Variants in NPAS3 observed in about 807,000 individuals in gnomAD.
The protein encoded by NPAS3 is neuronal PAS domain protein 3.
A neutral mutation model predicts 73.1 loss-of-function variants in NPAS3; 14 were observed. The observed-to-expected ratio is 0.19, with a 90% CI of 0.13 to 0.30. The LOEUF is 0.30. Ranked by LOEUF, NPAS3 falls within the 10% of genes least tolerant of loss-of-function variation. The pLI is 1.00. For synonymous variants in NPAS3, 620 were observed against 541.5 expected, an observed-to-expected ratio of 1.14 and a Z score of -2.01; for missense variants, 1,096 against 1,250.0, an observed-to-expected ratio of 0.88 and a Z score of 1.86.
intron 2 of NPAS3, among the ~76,000 whole-genome samples, chr14:33,192,944 G>C (rs1361167561): frequency 1.3e-5 from 2 of 152,094 alleles, no homozygotes; most frequent in Admixed American, 1.3e-4. Flanking sequence ...TATGAGAGAT[G>C]GGAACAAATG....
chr14:33,331,118 T>G (rs1216140941), intron 3 of NPAS3, among the ~76,000 whole-genome samples: 1 of 152,190 alleles, frequency 6.6e-6, no homozygotes, highest in African/African-American at 2.4e-5. Context: ...ATCGTAACTC[T>G]TGAAATTCAA....
At chr14:32,986,817 CTTTA>C (rs1306090670) in intron 1 of NPAS3, among the ~76,000 whole-genome samples, 3 of 152,218 alleles carry the variant, frequency 2.0e-5, no homozygotes, top group Middle Eastern at 3.4e-3. Context: ...TATGATTTTA[CTTTA>C]TTTTTTTTAA....
chr14:33,645,674 G>C (rs1472831920), intron 5 of NPAS3, among the ~76,000 whole-genome samples: 2 of 152,162 alleles, frequency 1.3e-5, no homozygotes, highest in Non-Finnish European at 2.9e-5. Context: ...TGGCAAAATG[G>C]AGCTGCCACT....
chr14:33,544,825 A>ATATATATATATTATATATATATATAAT, intron 4 of NPAS3, among the ~76,000 whole-genome samples: 29 of 112,148 alleles, frequency 2.6e-4, no homozygotes, highest in African/African-American at 5.3e-4. Context: ...TATATAATAT[A>ATATATATATATTATATATATATATAAT]TATGTGTATA....
chr14:33,657,435 A>G (rs927656252), intron 5 of NPAS3, among the ~76,000 whole-genome samples: 16 of 152,230 alleles, frequency 1.1e-4, no homozygotes, highest in African/African-American at 3.4e-4. Flanking sequence ...AATTCTAGAA[A>G]AGACTTTAAT....
At chr14:33,372,372 G>A (rs929433200) in intron 4 of NPAS3, among the ~76,000 whole-genome samples, 23 of 152,074 alleles carry the variant, frequency 1.5e-4, no homozygotes, top group Non-Finnish European at 2.1e-4. Context: ...GTATATTCTC[G>A]TAGGGAAAAG....
intron 3 of NPAS3, among the ~76,000 whole-genome samples, chr14:33,306,918 G>A (rs893469427): frequency 2.6e-5 from 4 of 152,118 alleles, no homozygotes; most frequent in African/African-American, 9.7e-5. Flanking sequence ...GTGTCTATTC[G>A]GGTTCCAGAG....
chr14:33,179,692 GAATACC>G (rs1193119648), intron 2 of NPAS3, among the ~76,000 whole-genome samples: 1 of 152,074 alleles, frequency 6.6e-6, no homozygotes, highest in Non-Finnish European at 1.5e-5. Flanking sequence ...TACAACTAAA[GAATACC>G]ATACGATGGG....
At chr14:33,410,009 T>A (rs926756434) in intron 4 of NPAS3, among the ~76,000 whole-genome samples, 2 of 152,210 alleles carry the variant, frequency 1.3e-5, no homozygotes, top group Admixed American at 6.5e-5. Context: ...GCCCTCTTTG[T>A]AGCTCTAACA....
At chr14:33,002,465 A>T (rs2038844186) in intron 1 of NPAS3, among the ~76,000 whole-genome samples, 1 of 152,190 alleles carries the variant, frequency 6.6e-6, no homozygotes, top group Non-Finnish European at 1.5e-5. Flanking sequence ...TGTTTGTAGG[A>T]TCCTGTCAAG....
intron 3 of NPAS3, among the ~76,000 whole-genome samples, chr14:33,345,549 T>A (rs1362066116): frequency 1.3e-5 from 2 of 152,234 alleles, no homozygotes; most frequent in African/African-American, 4.8e-5. Flanking sequence ...GATCCTTATA[T>A]GTATCTTTTA....
chr14:33,586,993 T>C (rs952314678), intron 5 of NPAS3, among the ~76,000 whole-genome samples: 1 of 152,160 alleles, frequency 6.6e-6, no homozygotes, highest in Non-Finnish European at 1.5e-5. Flanking sequence ...GAGGACCGGC[T>C]CCCCAAACAA....
chr14:33,675,172 C>T (rs554733410), intron 5 of NPAS3, among the ~76,000 whole-genome samples: 6 of 152,216 alleles, frequency 3.9e-5, no homozygotes, highest in African/African-American at 1.4e-4. Flanking sequence ...CATTAGTGAC[C>T]TGGGAAAGAG....
intron 6 of NPAS3, among the ~76,000 whole-genome samples, chr14:33,677,560 C>T (rs1055739009): frequency 2.0e-5 from 3 of 151,690 alleles, no homozygotes; most frequent in South Asian, 2.1e-4. Context: ...CAACATACTT[C>T]GAAGACAATA....
upstream of NPAS3, among the ~76,000 whole-genome samples, chr14:32,935,294 A>G: frequency 6.6e-6 from 1 of 152,170 alleles, no homozygotes; most frequent in East Asian, 1.9e-4. Context: ...GACGCCGCAC[A>G]AGGTGCTTTT....
intron 3 of NPAS3, among the ~76,000 whole-genome samples, chr14:33,269,567 T>G (rs2040976074): frequency 6.6e-6 from 1 of 152,100 alleles, no homozygotes. Context: ...TATATACTAT[T>G]TAGTAGTTTT....
intron 4 of NPAS3, among the ~76,000 whole-genome samples, chr14:33,467,041 T>C: frequency 6.6e-6 from 1 of 152,212 alleles, no homozygotes; most frequent in Non-Finnish European, 1.5e-5. Flanking sequence ...ACTAAATCTG[T>C]CTGTGAGTGG....
At chr14:33,744,776 T>C (rs2061745506) in intron 7 of NPAS3, among the ~76,000 whole-genome samples, 1 of 146,998 alleles carries the variant, frequency 6.8e-6, no homozygotes, top group South Asian at 2.2e-4. Flanking sequence ...GACAACAGAG[T>C]GAGACCCCAT....
intron 9 of NPAS3, among the ~76,000 whole-genome samples, chr14:33,787,853 T>C (rs1451771348): frequency 1.3e-5 from 2 of 152,166 alleles, no homozygotes; most frequent in Non-Finnish European, 2.9e-5. Flanking sequence ...TGTAACTTTT[T>C]AGATAAGGAA....
Sources: allele counts gnomAD v4.1 joint callset (sites outside exome capture counted in the v4.1 genomes callset), GRCh38; gene constraint gnomAD v4.1.1; transcripts MANE v1.5; gene names NCBI Gene and HGNC (gene_info 2026-07-23, HGNC 2026-07-21).